The following STK32B variants were observed in gnomAD, a reference collection of about 807,000 sequenced individuals.
The protein encoded by STK32B is serine/threonine-protein kinase 32B.
In STK32B, 43 loss-of-function variants were observed where a neutral mutation model predicts 52.6. That is an observed-to-expected ratio of 0.82 (90% CI 0.64 to 1.05). The LOEUF (loss-of-function observed/expected upper bound fraction) is 1.05. Among genes scored for constraint, STK32B ranks in the 50% least tolerant of loss-of-function variants. The probability of loss-of-function intolerance (pLI) is 0.00; values close to 1 mark genes in which losing one functional copy is unlikely to be tolerated. For missense variants in STK32B, 621 were observed against 534.6 expected (o/e 1.16, Z -1.59); for synonymous variants, 238 against 204.3 (o/e 1.17, Z -1.41).
intron 6 of STK32B, among the ~76,000 whole-genome samples, chr4:5,418,668 C>T (rs545614524): frequency 6.6e-6 from 1 of 152,340 alleles, no homozygotes; most frequent in African/African-American, 2.4e-5. Flanking sequence ...GAGGAGTCCA[C>T]CATCTTGGCT....
intron 4 of STK32B, among the ~76,000 whole-genome samples, chr4:5,371,020 A>G (rs1439433350): frequency 2.7e-5 from 4 of 147,874 alleles, no homozygotes; most frequent in East Asian, 2.0e-4. Context: ...ATGTATATAT[A>G]TGTGTATATA....
At chr4:5,419,846 C>G (rs1712475935) in intron 6 of STK32B, among the ~76,000 whole-genome samples, 1 of 152,166 alleles carries the variant, frequency 6.6e-6, no homozygotes, top group Non-Finnish European at 1.5e-5. Context: ...ATCCACTACT[C>G]ATGTCATTAA....
At chr4:5,161,236 A>T (rs1371604991) in intron 2 of STK32B, among the ~76,000 whole-genome samples, 7 of 152,314 alleles carry the variant, frequency 4.6e-5, no homozygotes, top group Admixed American at 1.3e-4. Context: ...CTCCAATGAG[A>T]CCACCATTGA....
intron 5 of STK32B, among the ~76,000 whole-genome samples, chr4:5,412,632 A>G (rs139810579): frequency 6.6e-6 from 1 of 152,152 alleles, no homozygotes; most frequent in African/African-American, 2.4e-5. Flanking sequence ...CCCCAACACT[A>G]GTGACTGGAA....
intron 4 of STK32B, among the ~76,000 whole-genome samples, chr4:5,385,983 CACAGCCCCCACCCA>C (rs1736228019): frequency 7.0e-6 from 1 of 141,950 alleles, no homozygotes; most frequent in Non-Finnish European, 1.5e-5. Flanking sequence ...CAGCTCCACC[CACAGCCCCCACCCA>C]TGGCCCCACC....
intron 3 of STK32B, among the ~76,000 whole-genome samples, chr4:5,230,676 C>T (rs1724202262): frequency 6.6e-6 from 1 of 152,170 alleles, no homozygotes; most frequent in Non-Finnish European, 1.5e-5. Flanking sequence ...CTGATATTAC[C>T]ACACTTTGGG....
chr4:5,423,655 A>G (rs1712829246), intron 6 of STK32B, among the ~76,000 whole-genome samples: 1 of 152,152 alleles, frequency 6.6e-6, no homozygotes, highest in Admixed American at 6.5e-5. Context: ...AGACTAACGA[A>G]ATCCCAGTTC....
intron 1 of STK32B, among the ~76,000 whole-genome samples, chr4:5,116,488 T>C (rs1444951433): frequency 6.6e-6 from 1 of 152,216 alleles, no homozygotes; most frequent in African/African-American, 2.4e-5. Flanking sequence ...CTCATATACT[T>C]ATTTTGGGGG....
chr4:5,194,285 A>T (rs753137494), intron 3 of STK32B, among the ~76,000 whole-genome samples: 1 of 152,076 alleles, frequency 6.6e-6, no homozygotes, highest in Non-Finnish European at 1.5e-5. Flanking sequence ...GCATTTGATC[A>T]TATGTATGTT....
At chr4:5,254,257 A>T (rs59147633) in intron 3 of STK32B, among the ~76,000 whole-genome samples, 16,318 of 151,684 alleles carry the variant, frequency 0.11, 1,319 homozygotes, top group African/African-American at 0.23. Flanking sequence ...TTCCATTCCT[A>T]GTGTTCTTTG....
chr4:5,075,215 C>A (rs1050776099), intron 1 of STK32B, among the ~76,000 whole-genome samples: 2 of 152,138 alleles, frequency 1.3e-5, no homozygotes, highest in African/African-American at 4.8e-5. Context: ...ACTCATAAGA[C>A]CTTGGCATTC....
At position 5,238,386 on chromosome 4, in the gene STK32B, G is replaced by T. The variant is rs576839573; in HGVS notation, c.260+69936G>T. ...CTTCTCCTTTCTTCTTTTTTTTTTG[G>T]TCCCTTATAAGGACACATCTTAGAA... On this transcript the variant is annotated intron_variant, in intron 3 of 11. Coordinates refer to ENST00000282908, the MANE Select transcript of STK32B (RefSeq NM_018401.3). Among the ~76,000 whole-genome samples the T allele has an allele frequency of 1.5e-3, 223 of 150,108 alleles. 2 individuals carry two copies. Among genetic ancestry groups the T allele is most frequent in the African/African-American group, 5.1e-3 (208 of 40,848 alleles).
At chr4:5,113,153 A>G (rs895874554) in intron 1 of STK32B, among the ~76,000 whole-genome samples, 3 of 152,100 alleles carry the variant, frequency 2.0e-5, no homozygotes, top group Non-Finnish European at 4.4e-5. Context: ...TTGAGAGGTG[A>G]TCAGATCTTG....
At chr4:5,448,363 A>T (rs1379623397) in intron 7 of STK32B, among the ~76,000 whole-genome samples, 1 of 152,176 alleles carries the variant, frequency 6.6e-6, no homozygotes, top group Admixed American at 6.5e-5. Flanking sequence ...GTTTCCTTTG[A>T]TATATATACT....
chr4:5,172,848 C>A (rs947394852), intron 3 of STK32B, among the ~76,000 whole-genome samples: 4 of 152,258 alleles, frequency 2.6e-5, no homozygotes, highest in African/African-American at 9.6e-5. Flanking sequence ...AGGATTCTGT[C>A]TTTTTCTATT....
intron 3 of STK32B, among the ~76,000 whole-genome samples, chr4:5,315,728 G>A (rs141269763): frequency 4.8e-4 from 67 of 139,280 alleles, no homozygotes; most frequent in African/African-American, 1.3e-3. Flanking sequence ...CTCCAGTTTC[G>A]CCCTGAGACT....
intron 3 of STK32B, among the ~76,000 whole-genome samples, chr4:5,293,891 AGGTTTTCTTCTAGGGCTTTTAT>A (rs1729038219): frequency 6.6e-6 from 1 of 152,108 alleles, no homozygotes; most frequent in Non-Finnish European, 1.5e-5. Context: ...GGTATTGCCT[AGGTTTTCTTCTAGGGCTTTTAT>A]GGTTTTAGAT....
intron 11 of STK32B, among the ~76,000 whole-genome samples, chr4:5,476,578 ACT>A (rs1718259453): frequency 6.6e-6 from 1 of 151,434 alleles, no homozygotes; most frequent in African/African-American, 2.4e-5. Context: ...AAAGCCTTAG[ACT>A]CTGCCTGAGA....
At chr4:5,128,656 A>C (rs577208877) in intron 1 of STK32B, among the ~76,000 whole-genome samples, 1 of 152,218 alleles carries the variant, frequency 6.6e-6, no homozygotes, top group Non-Finnish European at 1.5e-5. Flanking sequence ...CTGGCTGTCT[A>C]CTTCGTACCA....
Sources: allele counts gnomAD v4.1 joint callset (sites outside exome capture counted in the v4.1 genomes callset), GRCh38; gene constraint gnomAD v4.1.1; transcripts MANE v1.5; gene names NCBI Gene and HGNC (gene_info 2026-07-23, HGNC 2026-07-21).